The following CACNB2 variants were observed in gnomAD, a reference collection of about 807,000 sequenced individuals.
CACNB2 encodes the protein voltage-dependent L-type calcium channel subunit beta-2.
CACNB2 carries 42 observed loss-of-function variants against 73.3 expected under a neutral mutation model. The observed-to-expected ratio is 0.57, with a 90% CI of 0.45 to 0.74. CACNB2 has a LOEUF of 0.74. CACNB2 is among the 30% of genes least tolerant of loss of function. The pLI is 0.00. For missense variants in CACNB2, 940 were observed against 853.0 expected (o/e 1.10, Z -1.27); for synonymous variants, 348 against 310.3 (o/e 1.12, Z -1.28).
At chr10:18,256,578 C>G (rs1213611614) in intron 2 of CACNB2, 3 of 152,236 alleles carry the variant, frequency 2.0e-5, no homozygotes, top group Non-Finnish European at 4.4e-5. Flanking sequence ...TTCCACTCCC[C>G]CGCCTCCTCC....
intron 3 of CACNB2, among the ~76,000 whole-genome samples, chr10:18,408,865 T>A (rs973650852): frequency 2.0e-5 from 3 of 152,242 alleles, no homozygotes. Context: ...TTATTATTAT[T>A]TTTTTAGACA....
intron 2 of CACNB2, among the ~76,000 whole-genome samples, chr10:18,216,817 A>T (rs1311497661): frequency 6.6e-6 from 1 of 152,196 alleles, no homozygotes; most frequent in East Asian, 1.9e-4. Context: ...ATTCCTTAAA[A>T]GCAAGCATAA....
chr10:18,460,735 A>G (rs375920311), intron 3 of CACNB2, among the ~76,000 whole-genome samples: 111 of 152,172 alleles, frequency 7.3e-4, no homozygotes, highest in African/African-American at 2.5e-3. Context: ...TACAAAAAAT[A>G]CAAAAATTAT....
chr10:18,447,016 T>C (rs957882507), intron 3 of CACNB2, among the ~76,000 whole-genome samples: 2 of 151,722 alleles, frequency 1.3e-5, no homozygotes, highest in Non-Finnish European at 1.5e-5. Context: ...GCTGTGATTA[T>C]GCCGTTGTAC....
At chr10:18,470,068 TAAA>T (rs950026676) in intron 3 of CACNB2, among the ~76,000 whole-genome samples, 7 of 152,010 alleles carry the variant, frequency 4.6e-5, no homozygotes, top group African/African-American at 1.7e-4. Flanking sequence ...ACATTTAAAA[TAAA>T]GTATTCAACT....
At chr10:18,464,590 G>T (rs931994571) in intron 3 of CACNB2, among the ~76,000 whole-genome samples, 2 of 151,792 alleles carry the variant, frequency 1.3e-5, no homozygotes, top group African/African-American at 2.4e-5. Flanking sequence ...CTTCTCTCAG[G>T]CTCCCCCTTT....
At chr10:18,346,761 TA>T in intron 2 of CACNB2, among the ~76,000 whole-genome samples, 1 of 152,104 alleles carries the variant, frequency 6.6e-6, no homozygotes, top group Non-Finnish European at 1.5e-5. Context: ...CGCGCCTGGC[TA>T]ATTTTTGTGT....
chr10:18,176,502 G>A (rs1427088675), intron 2 of CACNB2, among the ~76,000 whole-genome samples: 6 of 152,020 alleles, frequency 3.9e-5, no homozygotes, highest in African/African-American at 1.4e-4. Context: ...GTGGGGATGG[G>A]AAAGATGGGT....
At chr10:18,278,737 T>C (rs531917891) in intron 2 of CACNB2, among the ~76,000 whole-genome samples, 13 of 152,114 alleles carry the variant, frequency 8.5e-5, no homozygotes, top group African/African-American at 2.9e-4. Context: ...AAAAAACTTC[T>C]AGGGCGCAGT....
chr10:18,183,151 G>A lies in CACNB2; in HGVS notation c.213+32176G>A, dbSNP rs117930132. 9.2e-5 allele frequency among the ~76,000 whole-genome samples: 14 copies of A among 152,052 alleles called. No individual in the cohort carries two copies. In the East Asian group the frequency reaches 2.5e-3, roughly 27 times the overall value. On this transcript the variant is annotated intron_variant, in intron 2 of 13. Coordinates refer to ENST00000324631, the MANE Select transcript of CACNB2 (RefSeq NM_201596.3). Reference sequence around the variant, plus strand: ...GGCTCTTCTTTCTCATCTGTAAAACGCAGATCCCAGTATCAACCCACACAC... The same window carrying A: ...GGCTCTTCTTTCTCATCTGTAAAACACAGATCCCAGTATCAACCCACACAC...
chr10:18,329,859 ATGGAGTCTCGCTCTG>A (rs1163331530), intron 2 of CACNB2, among the ~76,000 whole-genome samples: 2 of 151,962 alleles, frequency 1.3e-5, no homozygotes, highest in Non-Finnish European at 2.9e-5. Flanking sequence ...CTTTTTTGAG[ATGGAGTCTCGCTCTG>A]TGTCCCAGGC....
chr10:18,463,373 GT>G (rs1466363626), intron 3 of CACNB2, among the ~76,000 whole-genome samples: 1 of 149,272 alleles, frequency 6.7e-6, no homozygotes, highest in African/African-American at 2.5e-5. Context: ...AAAAAAAAAA[GT>G]TTTTGTGTTC....
chr10:18,270,342 A>T (rs551722168), intron 2 of CACNB2, among the ~76,000 whole-genome samples: 2 of 152,316 alleles, frequency 1.3e-5, no homozygotes, highest in African/African-American at 4.8e-5. Flanking sequence ...TTACAATTCC[A>T]CATGAGATTT....
intron 3 of CACNB2, among the ~76,000 whole-genome samples, chr10:18,498,097 T>C (rs971171987): frequency 3.9e-5 from 6 of 152,348 alleles, no homozygotes; most frequent in African/African-American, 1.2e-4. Context: ...GTGGCTCTTC[T>C]TCACCTTCAT....
At chr10:18,494,195 G>T (rs553087295) in intron 3 of CACNB2, among the ~76,000 whole-genome samples, 1 of 152,082 alleles carries the variant, frequency 6.6e-6, no homozygotes, top group Non-Finnish European at 1.5e-5. Context: ...CTGCTACTCA[G>T]ATGATTGAAA....
chr10:18,423,752 G>A (rs920026553), intron 3 of CACNB2, among the ~76,000 whole-genome samples: 3 of 152,106 alleles, frequency 2.0e-5, no homozygotes, highest in Non-Finnish European at 2.9e-5. Flanking sequence ...CCCCCTCCAT[G>A]TGCAGACTAT....
intron 12 of CACNB2, among the ~76,000 whole-genome samples, chr10:18,536,515 G>T (rs975554040): frequency 6.6e-6 from 1 of 151,542 alleles, no homozygotes; most frequent in Non-Finnish European, 1.5e-5. Context: ...TCCTGCCTTG[G>T]TCTTCCAAAG....
At chr10:18,498,192 G>A (rs562466154) in intron 3 of CACNB2, among the ~76,000 whole-genome samples, 163 bp from the exon 4 acceptor site, 18 of 152,184 alleles carry the variant, frequency 1.2e-4, no homozygotes, top group Non-Finnish European at 2.5e-4. Context: ...GAGATTTCAA[G>A]TGTTTTGAAT....
intron 2 of CACNB2, among the ~76,000 whole-genome samples, chr10:18,238,099 C>A (rs2036517961): frequency 6.6e-6 from 1 of 152,168 alleles, no homozygotes; most frequent in African/African-American, 2.4e-5. Flanking sequence ...AGGATGGGAA[C>A]TATGAAGGCT....
Sources: gnomAD v4.1 joint callset for allele counts (sites outside exome capture counted in the v4.1 genomes callset) on GRCh38, gnomAD v4.1.1 for gene constraint, MANE v1.5 for transcripts, NCBI Gene and HGNC (gene_info 2026-07-23, HGNC 2026-07-21) for gene names.